MYO7A: variants seen among roughly 807,000 people sequenced by gnomAD.
The protein encoded by MYO7A is myosin VIIA.
Under a neutral mutation model 263.8 loss-of-function variants are expected in MYO7A, and 210 were observed. The observed-to-expected ratio is 0.80, with a 90% CI of 0.71 to 0.89. The LOEUF (loss-of-function observed/expected upper bound fraction) is 0.89. Among genes scored for constraint, MYO7A ranks in the 40% least tolerant of loss-of-function variants. The pLI, the probability that MYO7A is intolerant of heterozygous loss-of-function variation, is 0.00. For missense variants in MYO7A, 2,820 were observed against 2,968.3 expected (o/e 0.95, Z 1.16); for synonymous variants, 1,239 against 1,197.3 (o/e 1.03, Z -0.72).
At chr11:77,205,430 G>T (rs1191951100) in intron 39 of MYO7A, 32 bp from the exon 40 acceptor site, 3 of 1,546,854 alleles carry the variant, frequency 1.9e-6, no homozygotes, top group Non-Finnish European at 2.6e-6. Context: ...GATGGCAGCT[G>T]CCCCTGCTGG....
chr11:77,211,411 A>C, intron 45 of MYO7A, 74 bp downstream of exon 45: 1 of 1,451,994 alleles, frequency 6.9e-7, no homozygotes, highest in African/African-American at 1.4e-5. Context: ...CCAAGGGGGC[A>C]GACACTGGCC....
At position 77,202,395 on chromosome 11, in the gene MYO7A, G is replaced by A. The variant is rs372220160; in HGVS notation, c.5139G>A (p.Thr1713=). 19 of 1,554,188 alleles carry A rather than the reference G, an allele frequency of 1.2e-5. No homozygotes were observed. The highest frequency in any genetic ancestry group is 5.8e-5 in the Admixed American group (3 of 51,342). The change falls in exon 37 of 49, where the codon ACG becomes ACA. Residue 1713 remains threonine, a synonymous_variant. Coordinates refer to ENST00000409709, the MANE Select transcript of MYO7A (RefSeq NM_000260.4). ...CCGAGGTGCGTGCCAAGCCCTACAC[G>A]CTGGAGGAGTTTTCCTATGACTACT... ...AEPEVRAKPY[T]LEEFSYDYFR...
rs1555048553 is a variant in MYO7A, at chr11:77,138,321, C to CGCCAACCCT, written c.19-4385_19-4384insAACCCTGCC. On this transcript the variant is annotated intron_variant, in intron 2 of 48. Coordinates refer to ENST00000409709, the MANE Select transcript of MYO7A (RefSeq NM_000260.4). The surrounding 1 kb of genome is among the most constrained non-coding windows in gnomAD (Gnocchi z 4.9). Reference sequence around the variant, plus strand: ...GCCGTCGCAGCGCCATGGAGGACCCCGCCGACCCTGCCGACCCCGCGCGCA... The same window carrying CGCCAACCCT: ...GCCGTCGCAGCGCCATGGAGGACCCCGCCAACCCTGCCGACCCTGCCGACCCCGCGCGCA... Among the ~76,000 whole-genome samples, 1 of 151,964 alleles carries CGCCAACCCT rather than the reference C, an allele frequency of 6.6e-6. No individual in the cohort carries two copies. The highest frequency in any genetic ancestry group is 2.4e-5 in the African/African-American group (1 of 41,306).
intron 14 of MYO7A, among the ~76,000 whole-genome samples, chr11:77,163,217 C>T (rs1344983108): frequency 6.6e-6 from 1 of 152,170 alleles, no homozygotes; most frequent in Non-Finnish European, 1.5e-5. Context: ...GGCTTTCTCA[C>T]CGCCCCAAAC....
At chr11:77,135,656 CACA>C (rs1261382791) in intron 2 of MYO7A, among the ~76,000 whole-genome samples, 1 of 152,150 alleles carries the variant, frequency 6.6e-6, no homozygotes, top group Non-Finnish European at 1.5e-5. Flanking sequence ...TAGTGTTTTT[CACA>C]ACATTTGTAT....
At position 77,156,881 on chromosome 11, in the gene MYO7A, C is replaced by A. The variant is rs1555062863; in HGVS notation, c.612C>A (p.Thr204=). 6.2e-7 allele frequency: 1 copy of A among 1,613,988 alleles called. No individual in the cohort carries two copies. Among genetic ancestry groups the A allele is most frequent in the Non-Finnish European group, 8.5e-7 (1 of 1,179,906 alleles). ...PILEAFGNAK[T]IRNDNSSRFG... ...CCGCAGCATTTGGGAATGCCAAGAC[C>A]ATCCGCAATGACAACTCAAGCCGTT... is the stretch of plus-strand genomic sequence containing the variant. The change falls in exon 7 of 49, where the codon ACC becomes ACA. Residue 204 remains threonine (T), a synonymous_variant. Coordinates refer to ENST00000409709, the MANE Select transcript of MYO7A (RefSeq NM_000260.4).
intron 19 of MYO7A, among the ~76,000 whole-genome samples, chr11:77,178,228 C>CCCATCCATCCATCCATCCATCCAT (rs1426304782): frequency 2.4e-5 from 3 of 123,396 alleles, no homozygotes; most frequent in African/African-American, 1.1e-4. Flanking sequence ...CACCTATTCA[C>CCCATCCATCCATCCATCCATCCAT]CCATCCATCC....
In MYO7A at chr11:77,211,771, C is replaced by A. The variant is rs573570006; in HGVS notation, c.6238-50C>A. ...GAGCTCTGAGCTGGCCTGCCCTGAG[C>A]AGGCCTGTCCCCAGGACTGAGCCCA... On this transcript the variant is annotated intron_variant, in intron 45 of 48. Coordinates refer to ENST00000409709, the MANE Select transcript of MYO7A (RefSeq NM_000260.4). The A allele has an allele frequency of 4.1e-6, 6 of 1,466,854 alleles. No individual in the cohort carries two copies. The South Asian group carries it at 5.7e-5, about 14-fold the overall frequency. 90.9% of individuals were successfully genotyped at this position (1,466,854 alleles called of 1,614,324 possible).
rs754411559 is a variant in MYO7A, at chr11:77,190,883, G to A, written c.3924+13G>A. 9 of 1,533,486 alleles carry A rather than the reference G, an allele frequency of 5.9e-6. No homozygotes were observed. The highest frequency in any genetic ancestry group is 1.4e-5 in the African/African-American group (1 of 71,880). 95.0% of individuals were successfully genotyped at this position (1,533,486 alleles called of 1,614,324 possible). On this transcript the variant is annotated intron_variant, in intron 30 of 48. Coordinates refer to ENST00000409709, the MANE Select transcript of MYO7A (RefSeq NM_000260.4). ...CCTGTTTGACAAGGTATGGCCGCCCGGAAGCACCTCCTCCCGGAAGCACCT... is the reference window on the plus strand; with the variant it reads ...CCTGTTTGACAAGGTATGGCCGCCCAGAAGCACCTCCTCCCGGAAGCACCT...
At chr11:77,169,324 G>A (rs1414685142) in intron 15 of MYO7A, among the ~76,000 whole-genome samples, 1 of 152,260 alleles carries the variant, frequency 6.6e-6, no homozygotes, top group African/African-American at 2.4e-5. Context: ...GCCCAGCCCA[G>A]CTGTGATAAA....
rs776576976 is a variant in MYO7A at position 77,208,413 on chromosome 11, G to C, written c.5857-17G>C. ...GTGTTGCTTAAACTGAGTGTGCTTC[G>C]ATGGCCCTGACCCCAGGTCCTCAGC... On this transcript the variant is annotated splice_polypyrimidine_tract_variant and intron_variant, in intron 42 of 48. Transcript: ENST00000409709. 6.3e-7 allele frequency: 1 copy of C among 1,590,420 alleles called. No homozygotes were observed. The highest frequency in any genetic ancestry group is 8.6e-7 in the Non-Finnish European group (1 of 1,160,010).
At chr11:77,181,805 GAT>G in intron 23 of MYO7A, 144 bp from the exon 24 acceptor site, 1 of 485,152 alleles carries the variant, frequency 2.1e-6, no homozygotes, top group Non-Finnish European at 3.4e-6. Context: ...TTTTTTTTGA[GAT>G]GGGGTCGTAC....
chr11:77,185,898 A>G (rs1366744189), intron 27 of MYO7A, among the ~76,000 whole-genome samples: 1 of 152,030 alleles, frequency 6.6e-6, no homozygotes, highest in Non-Finnish European at 1.5e-5. Flanking sequence ...AGGCATGAAA[A>G]TAACATTCGT....
intron 44 of MYO7A, among the ~76,000 whole-genome samples, chr11:77,209,703 C>A (rs913517955): frequency 6.6e-6 from 1 of 152,240 alleles, no homozygotes; most frequent in South Asian, 2.1e-4. Flanking sequence ...ACCTTCCCAA[C>A]CTGGGTCAGT....
In MYO7A at chr11:77,184,690, A is replaced by G; in HGVS notation, c.3478A>G (p.Asn1160Asp). ...NLEKLHFIIG[N>D]GILRPALRDE... is the part of the protein sequence containing the mutation. ...GGAGAAGCTGCACTTCATCATCGGC[A>G]ATGGCATCCTGCGGCCAGCACTCCG... is the stretch of plus-strand genomic sequence containing the variant. Residue 1160 changes from asparagine (N) to aspartate (D), a missense_variant, in exon 27 of 49, where the codon AAT (asparagine) becomes GAT (aspartate). Physicochemically the swap from Asn to Asp is conservative, Grantham distance 23. Coordinates refer to ENST00000409709, the MANE Select transcript of MYO7A (RefSeq NM_000260.4). The G allele has an allele frequency of 6.2e-7, 1 of 1,600,094 alleles. No homozygotes were observed. The highest frequency in any genetic ancestry group is 2.2e-5 in the East Asian group (1 of 44,460).
rs1956160114 is a variant in MYO7A at position 77,192,376 on chromosome 11, A to G, written c.4152+98A>G. 4.5e-5 allele frequency: 58 copies of G among 1,279,874 alleles called. No homozygotes were observed. In the South Asian group the frequency reaches 7.0e-4, roughly 16 times the overall value. 79.3% of individuals were successfully genotyped at this position (1,279,874 alleles called of 1,614,324 possible). The stretch of plus-strand genomic sequence containing the variant: ...CTCCTCTGTGAGCCATCATTAGCTC[A>G]GGCTGGGGTGAGCCTGACTGCAACC... On this transcript the variant is annotated intron_variant, in intron 31 of 48. Transcript: ENST00000409709.
Position 77,198,630 on chromosome 11 carries a change from GC to G in MYO7A, c.4568+12del. The G allele has an allele frequency of 6.2e-7, 1 of 1,613,532 alleles. No homozygotes were observed. Among genetic ancestry groups the G allele is most frequent in the Non-Finnish European group, 8.5e-7 (1 of 1,179,776 alleles). On this transcript the variant is annotated intron_variant, in intron 34 of 48. Transcript: ENST00000409709. ...GCCGTGTCCAGCAGCAGGTGAGGAG[GC>G]CCGCATGGAGATGCAGACAGACAGA... is the stretch of plus-strand genomic sequence containing the variant.
chr11:77,172,600 GAGGCAGTTTGCAGGAAAACTTCA>G, intron 15 of MYO7A, 125 bp from the exon 16 acceptor site: 1 of 1,028,462 alleles, frequency 9.7e-7, no homozygotes, highest in Non-Finnish European at 1.4e-6. Flanking sequence ...AAGGTGGGGA[GAGGCAGTTTGCAGGAAAACTTCA>G]AATACCGCCC....
chr11:77,207,448 C>A, intron 42 of MYO7A, 46 bp downstream of exon 42: 1 of 1,382,222 alleles, frequency 7.2e-7, no homozygotes, highest in South Asian at 1.2e-5. Context: ...TTGCTGGGGC[C>A]ATAGGAACTT....
Sources: allele counts gnomAD v4.1 joint callset (sites outside exome capture counted in the v4.1 genomes callset), GRCh38; gene constraint gnomAD v4.1.1; non-coding constraint Gnocchi (gnomAD v3.1); transcripts MANE v1.5; gene names NCBI Gene and HGNC (gene_info 2026-07-23, HGNC 2026-07-21).